Variants in HCN1 observed in about 807,000 individuals in gnomAD.
HCN1 encodes potassium/sodium hyperpolarization-activated cyclic nucleotide-gated channel 1.
Under a neutral mutation model 78.9 loss-of-function variants are expected in HCN1, and 13 were observed. That is an observed-to-expected ratio of 0.16 (90% CI 0.11 to 0.26). The LOEUF (loss-of-function observed/expected upper bound fraction) is 0.26, where lower values mean the gene tolerates loss of function less well. Among genes scored for constraint, HCN1 ranks in the 10% least tolerant of loss-of-function variants. HCN1 has a pLI of 1.00. For missense variants in HCN1, 810 were observed against 1,154.3 expected (o/e 0.70, Z 4.32); for synonymous variants, 552 against 455.5 (o/e 1.21, Z -2.70).
intron 2 of HCN1, among the ~76,000 whole-genome samples, chr5:45,602,149 A>C (rs1296840730): frequency 6.6e-6 from 1 of 152,084 alleles, no homozygotes; most frequent in Admixed American, 6.6e-5. Flanking sequence ...TGAGCAATTA[A>C]ACCACCTTCC....
intron 2 of HCN1, among the ~76,000 whole-genome samples, chr5:45,543,971 G>A (rs1743156264): frequency 6.6e-6 from 1 of 152,044 alleles, no homozygotes; most frequent in African/African-American, 2.4e-5. Context: ...GAGATTAAGA[G>A]AAGATGGGTA....
intron 2 of HCN1, chr5:45,642,901 C>G: frequency 6.6e-6 from 1 of 151,976 alleles, no homozygotes; most frequent in East Asian, 1.9e-4. Context: ...GCATTAAATA[C>G]CCATGATATA....
chr5:45,578,314 G>C (rs961368297), intron 2 of HCN1, among the ~76,000 whole-genome samples: 1 of 151,830 alleles, frequency 6.6e-6, no homozygotes, highest in Admixed American at 6.6e-5. Context: ...GTGATTAGGC[G>C]GTCTCTTCTT....
intron 1 of HCN1, 122 bp downstream of exon 1, chr5:45,695,547 C>A (rs1739991506): frequency 3.1e-6 from 3 of 982,520 alleles, no homozygotes; most frequent in South Asian, 1.4e-5. Flanking sequence ...GAGCCGACGC[C>A]GCCGGCAGCG....
chr5:45,404,498 ATTT>A (rs34176530), intron 3 of HCN1, among the ~76,000 whole-genome samples: 1 of 146,330 alleles, frequency 6.8e-6, no homozygotes, highest in African/African-American at 2.5e-5. Context: ...ACTGAAAATA[ATTT>A]TTTTTTTTTT....
At chr5:45,594,831 T>C (rs1744451885) in intron 2 of HCN1, among the ~76,000 whole-genome samples, 1 of 152,158 alleles carries the variant, frequency 6.6e-6, no homozygotes. Context: ...ATTTAGATTA[T>C]GGTGACAGTA....
At chr5:45,494,157 A>T (rs1741967526) in intron 2 of HCN1, among the ~76,000 whole-genome samples, 1 of 152,062 alleles carries the variant, frequency 6.6e-6, no homozygotes, top group African/African-American at 2.4e-5. Flanking sequence ...CCAGTTCTAG[A>T]TCCCTGAGGA....
chr5:45,505,539 G>A (rs188915458), intron 2 of HCN1, among the ~76,000 whole-genome samples: 1 of 152,260 alleles, frequency 6.6e-6, no homozygotes, highest in Admixed American at 6.5e-5. Context: ...GTAGCGTGAT[G>A]CCTCCCGCTT....
At chr5:45,272,138 G>C (rs1170774385) in intron 6 of HCN1, among the ~76,000 whole-genome samples, 1 of 152,050 alleles carries the variant, frequency 6.6e-6, no homozygotes, top group Non-Finnish European at 1.5e-5. Context: ...TGAATGTCCA[G>C]ATTAATTTTC....
At chr5:45,641,807 A>G (rs1230421564) in intron 2 of HCN1, 1 of 152,176 alleles carries the variant, frequency 6.6e-6, no homozygotes. Flanking sequence ...CTTCACCTTT[A>G]CAAACTGAAT....
intron 2 of HCN1, among the ~76,000 whole-genome samples, chr5:45,513,519 C>A (rs901038590): frequency 6.6e-6 from 1 of 152,144 alleles, no homozygotes; most frequent in African/African-American, 2.4e-5. Flanking sequence ...GCATTGGTCC[C>A]TGGACTGTTA....
intron 6 of HCN1, among the ~76,000 whole-genome samples, chr5:45,284,188 G>A (rs765171804): frequency 1.2e-4 from 19 of 152,066 alleles, no homozygotes; most frequent in Non-Finnish European, 2.5e-4. Flanking sequence ...TTGGGTATTA[G>A]GCTTGGTACC....
chr5:45,606,878 A>G (rs1047290974), intron 2 of HCN1, among the ~76,000 whole-genome samples: 2 of 152,020 alleles, frequency 1.3e-5, no homozygotes, highest in Non-Finnish European at 2.9e-5. Flanking sequence ...AATGCTATAT[A>G]TGAAACTTCT....
intron 3 of HCN1, among the ~76,000 whole-genome samples, chr5:45,432,896 T>TAA (rs1233198854): frequency 8.5e-5 from 13 of 152,066 alleles, no homozygotes; most frequent in Non-Finnish European, 1.9e-4. Context: ...AACGAGGTGT[T>TAA]TGCCTCATGG....
chr5:45,580,518 A>G (rs1431989717), intron 2 of HCN1, among the ~76,000 whole-genome samples: 4 of 151,914 alleles, frequency 2.6e-5, no homozygotes, highest in Admixed American at 2.6e-4. Flanking sequence ...ACAGAGCTAT[A>G]AGATTTGTTG....
intron 5 of HCN1, among the ~76,000 whole-genome samples, chr5:45,327,034 G>A (rs1423010462): frequency 6.6e-6 from 1 of 151,660 alleles, no homozygotes; most frequent in Non-Finnish European, 1.5e-5. Context: ...ATATTGACAG[G>A]AAGAGTGTTC....
At chr5:45,312,839 A>G (rs1745884429) in intron 5 of HCN1, among the ~76,000 whole-genome samples, 1 of 152,176 alleles carries the variant, frequency 6.6e-6, no homozygotes, top group Non-Finnish European at 1.5e-5. Context: ...ACCATTGCTG[A>G]GGCTTGAGTA....
At chr5:45,271,359 TACACACACACACACACACAC>T (rs34016747) in intron 6 of HCN1, among the ~76,000 whole-genome samples, 4 of 137,416 alleles carry the variant, frequency 2.9e-5, no homozygotes, top group Admixed American at 7.4e-5. Context: ...CTGATTCAGG[TACACACACACACACACACAC>T]ACACACACAC....
chr5:45,658,551 T>G lies in HCN1; in HGVS notation c.426-12943A>C, dbSNP rs928475268. 5.9e-5 allele frequency among the ~76,000 whole-genome samples: 9 copies of G among 152,086 alleles called. 1 individual carries two copies. The highest frequency in any genetic ancestry group is 2.2e-4 in the African/African-American group (9 of 41,444). On this transcript the variant is annotated intron_variant, in intron 1 of 7. Coordinates refer to ENST00000303230, the MANE Select transcript of HCN1 (RefSeq NM_021072.4). The stretch of plus-strand genomic sequence containing the variant: ...ATTTCCATCTGAGGTAACGGGTTCA[T>G]CTCACTAGGGAGTGCCAGACAGTGG...
Sources: gnomAD v4.1 joint callset for allele counts (sites outside exome capture counted in the v4.1 genomes callset) on GRCh38, gnomAD v4.1.1 for gene constraint, MANE v1.5 for transcripts, NCBI Gene and HGNC (gene_info 2026-07-23, HGNC 2026-07-21) for gene names.